Variants in SLIT2 observed in about 807,000 individuals in gnomAD.
The protein encoded by SLIT2 is slit homolog 2 protein.
A neutral mutation model predicts 185.7 loss-of-function variants in SLIT2; 41 were observed. The observed-to-expected ratio is 0.22, with a 90% CI of 0.17 to 0.29. The LOEUF (loss-of-function observed/expected upper bound fraction) is 0.29. SLIT2 is among the 10% of genes least tolerant of loss of function. SLIT2 has a pLI of 1.00. For missense variants in SLIT2, 1,571 were observed against 1,909.0 expected, an observed-to-expected ratio of 0.82 and a Z score of 3.30; for synonymous variants, 693 against 680.2, an observed-to-expected ratio of 1.02 and a Z score of -0.29.
intron 4 of SLIT2, among the ~76,000 whole-genome samples, chr4:20,310,671 C>G (rs934932063): frequency 6.6e-6 from 1 of 152,176 alleles, no homozygotes; most frequent in Non-Finnish European, 1.5e-5. Flanking sequence ...GCAGAGTGCT[C>G]TATCCTAAAC....
chr4:20,544,167 GTA>G (rs1181665723), intron 21 of SLIT2, among the ~76,000 whole-genome samples: 1 of 151,884 alleles, frequency 6.6e-6, no homozygotes, highest in African/African-American at 2.4e-5. Flanking sequence ...AGAATTTAAA[GTA>G]TAGTAAAAAA....
intron 1 of SLIT2, among the ~76,000 whole-genome samples, chr4:20,255,299 T>G (rs1348446400): frequency 6.6e-6 from 1 of 152,160 alleles, no homozygotes; most frequent in Non-Finnish European, 1.5e-5. Flanking sequence ...CTCTCGCCCT[T>G]AGTTTTAAGG....
intron 4 of SLIT2, among the ~76,000 whole-genome samples, chr4:20,466,793 G>A (rs1169009661): frequency 2.0e-5 from 3 of 152,092 alleles, no homozygotes; most frequent in African/African-American, 4.8e-5. Flanking sequence ...GTGAGCATCA[G>A]TTATCCTAGA....
At chr4:20,404,777 T>C (rs923917974) in intron 4 of SLIT2, among the ~76,000 whole-genome samples, 10 of 152,006 alleles carry the variant, frequency 6.6e-5, no homozygotes, top group Non-Finnish European at 1.0e-4. Flanking sequence ...CTAAATAGCT[T>C]GGAATCTGTA....
chr4:20,350,219 A>C (rs139464912), intron 4 of SLIT2, among the ~76,000 whole-genome samples: 1 of 151,940 alleles, frequency 6.6e-6, no homozygotes, highest in East Asian at 1.9e-4. Context: ...CATACTTTTG[A>C]TTCTGAAGTG....
At chr4:20,517,661 C>A (rs765780979) in intron 11 of SLIT2, among the ~76,000 whole-genome samples, 4 of 152,090 alleles carry the variant, frequency 2.6e-5, no homozygotes, top group Non-Finnish European at 4.4e-5. Flanking sequence ...TCTAAAGAGA[C>A]AAATGGAATA....
chr4:20,524,060 C>T lies in SLIT2; in HGVS notation c.1321C>T (p.Leu441=). The change falls in exon 14 of 37, where the codon CTA becomes TTA. Residue 441 remains leucine (L), a synonymous_variant. Transcript: ENST00000504154. ...TATTTGTGACTGCCATCTCAAGTGG[C>T]TAGCGGATTATCTCCATACCAACCC... ...PFICDCHLKW[L]ADYLHTNPIE... 6.2e-7 allele frequency: 1 copy of T among 1,614,192 alleles called. No homozygotes were observed. Among genetic ancestry groups the T allele is most frequent in the East Asian group, 2.2e-5 (1 of 44,880 alleles).
At chr4:20,291,957 G>A (rs142950262) in intron 4 of SLIT2, among the ~76,000 whole-genome samples, 1 of 151,638 alleles carries the variant, frequency 6.6e-6, no homozygotes, top group Non-Finnish European at 1.5e-5. Flanking sequence ...TGTGCATCCT[G>A]TGTGTATCAG....
intron 9 of SLIT2, among the ~76,000 whole-genome samples, chr4:20,493,936 G>A (rs1311863036): frequency 6.6e-6 from 1 of 152,198 alleles, no homozygotes; most frequent in African/African-American, 2.4e-5. Context: ...GAAAGTACAA[G>A]ATGTAATCAA....
chr4:20,524,243 C>G, intron 14 of SLIT2, 66 bp downstream of exon 14: 1 of 1,494,766 alleles, frequency 6.7e-7, no homozygotes, highest in South Asian at 1.2e-5. Flanking sequence ...CTAACAAAAG[C>G]AGCTGGCCTT....
In SLIT2 at chr4:20,536,921, C is replaced by G. The variant is rs114875616; in HGVS notation, c.1833-2520C>G. Among the ~76,000 whole-genome samples the G allele has an allele frequency of 3.5e-3, 525 of 151,928 alleles. 1 individual carries two copies. The highest frequency in any genetic ancestry group is 0.012 in the African/African-American group (507 of 41,430). On this transcript the variant is annotated intron_variant, in intron 18 of 36. Coordinates refer to ENST00000504154, the MANE Select transcript of SLIT2 (RefSeq NM_004787.4). ...AACACATACATTAGCCTAGGCCTGC[C>G]CAGTGTCAGGATAATCAATATATCA...
intron 34 of SLIT2, chr4:20,615,347 A>T (rs1436586720): frequency 1.3e-5 from 2 of 152,180 alleles, no homozygotes; most frequent in Admixed American, 1.3e-4. Context: ...ACTTCATTCA[A>T]TACCTGTCAG....
intron 11 of SLIT2, among the ~76,000 whole-genome samples, chr4:20,517,483 C>G (rs1403825657): frequency 2.6e-5 from 4 of 152,110 alleles, no homozygotes; most frequent in African/African-American, 9.7e-5. Context: ...TTATTCATGC[C>G]TTATCTTTTC....
At chr4:20,571,159 A>G (rs1243996915) in intron 29 of SLIT2, among the ~76,000 whole-genome samples, 4 of 152,164 alleles carry the variant, frequency 2.6e-5, no homozygotes, top group African/African-American at 9.6e-5. Flanking sequence ...CATCTATAAA[A>G]GCTGTCATCT....
Position 20,620,281 on chromosome 4 carries a change from C to G in SLIT2, c.*1272C>G, listed in dbSNP as rs1729984616. The G allele has an allele frequency of 2.8e-6, 1 of 354,034 alleles. No individual in the cohort carries two copies. Among genetic ancestry groups the G allele is most frequent in the Non-Finnish European group, 5.5e-6 (1 of 183,170 alleles). 21.9% of individuals were successfully genotyped at this position (354,034 alleles called of 1,614,324 possible). On this transcript the variant is annotated 3_prime_UTR_variant, in exon 37 of 37. Coordinates refer to ENST00000504154, the MANE Select transcript of SLIT2 (RefSeq NM_004787.4). Reference sequence around the variant, plus strand: ...ATCAAGAACTGTGACTTTTCTTTCCCTCAAACAATAAAACTCCTTTATTAT... The same window carrying G: ...ATCAAGAACTGTGACTTTTCTTTCCGTCAAACAATAAAACTCCTTTATTAT...
intron 28 of SLIT2, 87 bp from the exon 29 acceptor site, chr4:20,568,778 G>T (rs1725313342): frequency 8.2e-7 from 1 of 1,213,038 alleles, no homozygotes. Flanking sequence ...GTTGATGAGT[G>T]TAATTATGCT....
At chr4:20,339,636 A>G (rs1445211815) in intron 4 of SLIT2, among the ~76,000 whole-genome samples, 3 of 152,188 alleles carry the variant, frequency 2.0e-5, no homozygotes, top group Non-Finnish European at 4.4e-5. Context: ...CTTTCTAGGT[A>G]GCACAAGGGA....
chr4:20,464,659 G>A (rs906773474), intron 4 of SLIT2, among the ~76,000 whole-genome samples: 10 of 152,120 alleles, frequency 6.6e-5, no homozygotes, highest in Middle Eastern at 3.4e-3. Context: ...CACTGCATAC[G>A]TTGTACCCTC....
chr4:20,345,867 C>G (rs1308070676), intron 4 of SLIT2, among the ~76,000 whole-genome samples: 2 of 152,002 alleles, frequency 1.3e-5, no homozygotes, highest in African/African-American at 4.8e-5. Context: ...TCTTCTTGAT[C>G]CCCTTTCTCC....
Sources: allele counts gnomAD v4.1 joint callset (sites outside exome capture counted in the v4.1 genomes callset), GRCh38; gene constraint gnomAD v4.1.1; transcripts MANE v1.5; gene names NCBI Gene and HGNC (gene_info 2026-07-23, HGNC 2026-07-21).